Variants in MTCL3 observed in about 807,000 individuals in gnomAD.
MTCL3 encodes MTCL family member 3.
the MTCL3 span, among the ~76,000 whole-genome samples, chr6:127,511,995 C>T: frequency 2.0e-5 from 3 of 152,188 alleles, no homozygotes; most frequent in African/African-American, 7.2e-5. Flanking sequence ...CGGAAGACAA[C>T]TTGTGCATTT....
At chr6:127,505,715 T>A in the MTCL3 span, among the ~76,000 whole-genome samples, 1 of 152,140 alleles carries the variant, frequency 6.6e-6, no homozygotes, top group Non-Finnish European at 1.5e-5. Flanking sequence ...TCCATTTTTT[T>A]AAATTAAAAA....
chr6:127,501,274 T>C, the MTCL3 span, among the ~76,000 whole-genome samples: 3 of 152,234 alleles, frequency 2.0e-5, no homozygotes, highest in Non-Finnish European at 2.9e-5. Context: ...GCCATACCGC[T>C]AAATGAATAA....
At chr6:127,502,181 A>G in the MTCL3 span, among the ~76,000 whole-genome samples, 2 of 152,230 alleles carry the variant, frequency 1.3e-5, no homozygotes, top group Non-Finnish European at 2.9e-5. Context: ...AGAACATTAA[A>G]TTTAGCTGTG....
chr6:127,486,643 T>C, the MTCL3 span, among the ~76,000 whole-genome samples: 1 of 152,194 alleles, frequency 6.6e-6, no homozygotes, highest in Admixed American at 6.5e-5. Flanking sequence ...GTTGAAAACA[T>C]TTATTGTCCA....
the MTCL3 span, among the ~76,000 whole-genome samples, chr6:127,515,240 T>A: frequency 6.6e-6 from 1 of 152,128 alleles, no homozygotes; most frequent in Non-Finnish European, 1.5e-5. This position sits in a 1 kb window ranked among gnomAD's most constrained non-coding sequence, Gnocchi z 4.3. Flanking sequence ...CCTCTCTCGT[T>A]CTCTTACTCT....
At chr6:127,485,505 G>T in the MTCL3 span, among the ~76,000 whole-genome samples, 2 of 152,098 alleles carry the variant, frequency 1.3e-5, no homozygotes, top group Admixed American at 6.6e-5. Context: ...AGCAAGAAAT[G>T]TCATAATTAG....
chr6:127,514,949 C>T, the MTCL3 span: 1 of 1,614,162 alleles, frequency 6.2e-7, no homozygotes, highest in Non-Finnish European at 8.5e-7. Flanking sequence ...TGTTGGCTCT[C>T]TCCAACTCGT....
At chr6:127,512,866 C>T in the MTCL3 span, 41 of 1,595,308 alleles carry the variant, frequency 2.6e-5, no homozygotes, top group African/African-American at 4.0e-5. Flanking sequence ...ATACATAGTA[C>T]ACCATGAAAT....
the MTCL3 span, among the ~76,000 whole-genome samples, chr6:127,517,173 G>A: frequency 6.6e-6 from 1 of 152,138 alleles, no homozygotes; most frequent in Non-Finnish European, 1.5e-5. Context: ...GTATTCCCAA[G>A]TTCAATTAGA....
chr6:127,513,840 C>A, the MTCL3 span, among the ~76,000 whole-genome samples: 2 of 152,100 alleles, frequency 1.3e-5, no homozygotes, highest in African/African-American at 4.8e-5. Flanking sequence ...ATAATCCCTA[C>A]ATTGTAGGAT....
chr6:127,519,068 G>A, the MTCL3 span: 1 of 152,188 alleles, frequency 6.6e-6, no homozygotes, highest in African/African-American at 2.4e-5. Context: ...GGGGAGTGGC[G>A]GGATAAAGAG....
the MTCL3 span, chr6:127,475,432 A>G: frequency 6.2e-7 from 1 of 1,613,108 alleles, no homozygotes; most frequent in Non-Finnish European, 8.5e-7. This position sits in a 1 kb window ranked among gnomAD's most constrained non-coding sequence, Gnocchi z 7.3. Context: ...GTGCTCCCGG[A>G]TGCGGCTGCC....
At chr6:127,496,991 T>C in the MTCL3 span, among the ~76,000 whole-genome samples, 1 of 152,110 alleles carries the variant, frequency 6.6e-6, no homozygotes, top group Admixed American at 6.5e-5. Flanking sequence ...AGAAGTAGAT[T>C]AGTAATTGCC....
chr6:127,514,820 G>T, the MTCL3 span: 1 of 1,608,400 alleles, frequency 6.2e-7, no homozygotes, highest in Non-Finnish European at 8.5e-7. Flanking sequence ...CCGCGCCGCA[G>T]ACCTTGAGGT....
the MTCL3 span, among the ~76,000 whole-genome samples, chr6:127,473,928 C>T: frequency 6.6e-6 from 1 of 152,156 alleles, no homozygotes; most frequent in Non-Finnish European, 1.5e-5. Context: ...AAATGGCCAC[C>T]ATACCTGGCC....
At chr6:127,508,233 A>G in the MTCL3 span, among the ~76,000 whole-genome samples, 2 of 152,214 alleles carry the variant, frequency 1.3e-5, no homozygotes, top group African/African-American at 2.4e-5. Context: ...TCAGGTAAAC[A>G]TTCCCTATTA....
chr6:127,475,381 C>A, the MTCL3 span: 1 of 1,613,356 alleles, frequency 6.2e-7, no homozygotes, highest in Non-Finnish European at 8.5e-7. This position sits in a 1 kb window ranked among gnomAD's most constrained non-coding sequence, Gnocchi z 7.3. Flanking sequence ...CAGCTCCTTG[C>A]GGAAGGCCTT....
At chr6:127,514,801 A>T in the MTCL3 span, 1 of 1,598,214 alleles carries the variant, frequency 6.3e-7, no homozygotes, top group Non-Finnish European at 8.5e-7. Context: ...GCCGCGCGCC[A>T]TTGAGCCCCC....
the MTCL3 span, among the ~76,000 whole-genome samples, chr6:127,492,464 G>A: frequency 1.3e-5 from 2 of 152,090 alleles, no homozygotes; most frequent in East Asian, 3.9e-4. Context: ...GAAAAATAAA[G>A]CTTAATGTAT....
Sources: gnomAD v4.1 joint callset for allele counts (sites outside exome capture counted in the v4.1 genomes callset) on GRCh38, gnomAD v4.1.1 for gene constraint, Gnocchi (gnomAD v3.1) non-coding constraint, MANE v1.5 for transcripts, NCBI Gene and HGNC (gene_info 2026-07-23, HGNC 2026-07-21) for gene names.